The following CD96 variants were observed in gnomAD, a reference collection of about 807,000 sequenced individuals.
CD96 encodes the protein CD96 molecule, also known as T-cell surface protein tactile.
In CD96, 70 loss-of-function variants were observed where a neutral mutation model predicts 71.3. The observed-to-expected ratio is 0.98, with a 90% CI of 0.81 to 1.20. The LOEUF (loss-of-function observed/expected upper bound fraction) is 1.20. CD96 is among the 50% of genes most tolerant of loss of function. CD96 has a pLI of 0.00. For missense variants in CD96, 742 were observed against 677.5 expected (o/e 1.10, Z -1.06); for synonymous variants, 248 against 233.0 (o/e 1.06, Z -0.59).
intron 10 of CD96, among the ~76,000 whole-genome samples, chr3:111,630,287 C>T (rs1002392163): frequency 4.6e-5 from 7 of 151,584 alleles, no homozygotes; most frequent in African/African-American, 7.3e-5. Flanking sequence ...AGAAGAAAAG[C>T]GAGAAGAATC....
chr3:111,577,633 T>G, intron 3 of CD96: 1 of 900,424 alleles, frequency 1.1e-6, no homozygotes, highest in Non-Finnish European at 1.9e-6. Context: ...TATGTAAGAC[T>G]GACACAAATC....
rs1309909184 is a variant in CD96, at chr3:111,624,417, C to G, written c.1321+13C>G. On this transcript the variant is annotated intron_variant, in intron 10 of 13. Coordinates refer to ENST00000352690, the MANE Select transcript of CD96 (RefSeq NM_005816.5). ...GATACCAAAAAATGTTAAGTATAAT[C>G]GTGGGTCCCTTGAGTCCTCTGGACT... 2 of 1,537,662 alleles carry G rather than the reference C, an allele frequency of 1.3e-6. No individual in the cohort carries two copies. The highest frequency in any genetic ancestry group is 1.8e-6 in the Non-Finnish European group (2 of 1,110,504).
At chr3:111,580,401 G>A (rs1936412033) in intron 4 of CD96, among the ~76,000 whole-genome samples, 2 of 152,128 alleles carry the variant, frequency 1.3e-5, no homozygotes, top group East Asian at 1.9e-4. Context: ...ACAAAGATCT[G>A]TGTTTTTTAG....
chr3:111,597,127 G>A (rs1038059994), intron 5 of CD96, among the ~76,000 whole-genome samples: 41 of 152,164 alleles, frequency 2.7e-4, no homozygotes, highest in Admixed American at 7.2e-4. Context: ...ATGTTAACTA[G>A]TATATTCATT....
downstream of CD96, among the ~76,000 whole-genome samples, chr3:111,654,444 G>C (rs536364632): frequency 1.3e-5 from 2 of 152,234 alleles, no homozygotes; most frequent in Admixed American, 1.3e-4. Flanking sequence ...TGGTGCATCT[G>C]TGATGGGTCT....
chr3:111,660,669 A>G (rs544235721), intron 14 of CD96, among the ~76,000 whole-genome samples: 2 of 152,348 alleles, frequency 1.3e-5, no homozygotes, highest in East Asian at 3.9e-4. Flanking sequence ...ACAAAAACAG[A>G]CACATAAACC....
intron 2 of CD96, among the ~76,000 whole-genome samples, chr3:111,563,937 T>C (rs866787624): frequency 6.6e-6 from 1 of 152,200 alleles, no homozygotes; most frequent in Admixed American, 6.5e-5. Flanking sequence ...TAAAAAAGAC[T>C]TTATTAAAAA....
chr3:111,616,710 C>T (rs540314329), intron 8 of CD96, among the ~76,000 whole-genome samples: 7 of 152,068 alleles, frequency 4.6e-5, no homozygotes, highest in African/African-American at 1.2e-4. Context: ...AGCAGCTGCC[C>T]GACTGGACTA....
intron 10 of CD96, chr3:111,634,998 G>C (rs1325405095): frequency 1.3e-5 from 2 of 153,048 alleles, no homozygotes; most frequent in African/African-American, 4.8e-5. Flanking sequence ...CTGAAAATTA[G>C]ATCCCTAAAT....
At chr3:111,641,614 C>A (rs913594057) in intron 12 of CD96, among the ~76,000 whole-genome samples, 21 of 152,150 alleles carry the variant, frequency 1.4e-4, no homozygotes, top group African/African-American at 1.9e-4. Context: ...AACAAAGAAA[C>A]AATGGATTTA....
chr3:111,598,240 C>G (rs764860201), intron 6 of CD96, 30 bp downstream of exon 6: 1 of 916,024 alleles, frequency 1.1e-6, no homozygotes, highest in South Asian at 1.3e-5. Flanking sequence ...GAAATAAGTT[C>G]GGTACAAAAA....
In CD96 at chr3:111,649,834, A is replaced by G. The variant is rs1411229802; in HGVS notation, c.*28A>G. 2 of 1,326,740 alleles carry G rather than the reference A, an allele frequency of 1.5e-6. No homozygotes were observed. Among genetic ancestry groups the G allele is most frequent in the African/African-American group, 2.9e-5 (2 of 69,212 alleles). 82.2% of individuals were successfully genotyped at this position (1,326,740 alleles called of 1,614,324 possible). ...TCGTGAGACTTTGCCCCATGGCAGAACTCTGCTGGAATCCTATTGAGAAGG... is the reference window on the plus strand; with the variant it reads ...TCGTGAGACTTTGCCCCATGGCAGAGCTCTGCTGGAATCCTATTGAGAAGG... On this transcript the variant is annotated 3_prime_UTR_variant, in exon 14 of 14. Transcript: ENST00000352690.
At chr3:111,631,788 G>T (rs1007671880) in intron 10 of CD96, among the ~76,000 whole-genome samples, 3 of 152,020 alleles carry the variant, frequency 2.0e-5, no homozygotes, top group African/African-American at 7.3e-5. Context: ...ACACATAGAC[G>T]AATAGAACAG....
chr3:111,663,757 T>TG (rs1940411740), intron 14 of CD96, among the ~76,000 whole-genome samples: 1 of 151,348 alleles, frequency 6.6e-6, no homozygotes, highest in African/African-American at 2.4e-5. Context: ...ATACACTTTT[T>TG]TTTTTTTTTG....
At chr3:111,593,708 C>T (rs202151657) in intron 5 of CD96, 22 of 1,614,036 alleles carry the variant, frequency 1.4e-5, no homozygotes, top group Non-Finnish European at 1.5e-5. Flanking sequence ...TTCCACTGCC[C>T]TTTCCCTCCT....
chr3:111,562,189 G>A (rs566349510), intron 2 of CD96, among the ~76,000 whole-genome samples: 1 of 152,322 alleles, frequency 6.6e-6, no homozygotes, highest in Admixed American at 6.5e-5. Flanking sequence ...CACGTTGGGA[G>A]CTGTAGACCG....
intron 3 of CD96, among the ~76,000 whole-genome samples, chr3:111,578,493 C>T (rs150382688): frequency 6.2e-4 from 95 of 152,324 alleles, no homozygotes; most frequent in Middle Eastern, 3.4e-3. Flanking sequence ...AGGAGGTACT[C>T]ACTGTTGGGT....
intron 8 of CD96, among the ~76,000 whole-genome samples, chr3:111,618,933 T>C (rs1009750421): frequency 2.0e-5 from 3 of 152,146 alleles, no homozygotes; most frequent in Non-Finnish European, 4.4e-5. Context: ...TTGCAACTGC[T>C]CACTTGCTTC....
intron 2 of CD96, among the ~76,000 whole-genome samples, chr3:111,549,933 A>G (rs1934611234): frequency 6.6e-6 from 1 of 152,176 alleles, no homozygotes; most frequent in African/African-American, 2.4e-5. Flanking sequence ...ATACAGAGTC[A>G]TCTGAGTGTG....
Sources: allele counts gnomAD v4.1 joint callset (sites outside exome capture counted in the v4.1 genomes callset), GRCh38; gene constraint gnomAD v4.1.1; transcripts MANE v1.5; gene names NCBI Gene and HGNC (gene_info 2026-07-23, HGNC 2026-07-21).